The following FXYD2 variants were observed in gnomAD, a reference collection of about 807,000 sequenced individuals.
FXYD2 encodes sodium/potassium-transporting ATPase subunit gamma.
In FXYD2, 8 loss-of-function variants were observed where a neutral mutation model predicts 11.8. That is an observed-to-expected ratio of 0.68 (90% confidence interval 0.40 to 1.22). The LOEUF is 1.22. Ranked by LOEUF, FXYD2 falls within the 50% of genes most tolerant of loss-of-function variation. The probability of loss-of-function intolerance (pLI) is 0.01; values close to 1 mark genes in which losing one functional copy is unlikely to be tolerated. For synonymous variants in FXYD2, 42 were observed against 33.3 expected (o/e 1.26, Z -0.90); for missense variants, 92 against 91.8 (o/e 1.00, Z -0.01).
chr11:117,821,147 C>T, intron 3 of FXYD2: 2 of 403,174 alleles, frequency 5.0e-6, no homozygotes, highest in Non-Finnish European at 7.9e-6. Flanking sequence ...GCCTCAAACT[C>T]CTGGGCTCAA....
Position 117,822,793 on chromosome 11 carries a change from T to C in FXYD2, c.26-76A>G. ...CCACAGGAACAGCTGGAATTCCCTG[T>C]CCTTCCCTTCCCAGAGGACCCTCGA... On this transcript the variant is annotated intron_variant, in intron 1 of 5. Transcript: ENST00000292079. The surrounding 1 kb of genome is among the most constrained non-coding windows in gnomAD (Gnocchi z 4.7). The C allele has an allele frequency of 6.4e-7, 1 of 1,564,864 alleles. No individual in the cohort carries two copies. Among genetic ancestry groups the C allele is most frequent in the Non-Finnish European group, 8.7e-7 (1 of 1,155,798 alleles).
At chr11:117,826,822 ATCTGTC>A (rs1555040338), upstream of FXYD2, among the ~76,000 whole-genome samples, 1 of 138,626 alleles carries the variant, frequency 7.2e-6, no homozygotes, top group African/African-American at 2.7e-5. Context: ...CTATCTATCT[ATCTGTC>A]TATCTATCTA....
chr11:117,823,661 C>T (rs928292926), intron 1 of FXYD2, among the ~76,000 whole-genome samples: 3 of 152,214 alleles, frequency 2.0e-5, no homozygotes, highest in Non-Finnish European at 4.4e-5. Context: ...CTGGCCAGGA[C>T]GCTTCTGCCA....
upstream of FXYD2, among the ~76,000 whole-genome samples, chr11:117,824,898 G>A (rs1327119927): frequency 6.6e-6 from 1 of 152,234 alleles, no homozygotes; most frequent in Non-Finnish European, 1.5e-5. This position sits in a 1 kb window ranked among gnomAD's most constrained non-coding sequence, Gnocchi z 4.0. Flanking sequence ...GGGGCAGGGA[G>A]GAGCTGGCTG....
intron 4 of FXYD2, 58 bp from the exon 5 acceptor site, chr11:117,820,754 A>C: frequency 1.9e-6 from 3 of 1,612,952 alleles, no homozygotes; most frequent in Non-Finnish European, 2.5e-6. Flanking sequence ...GGGTCTAGGG[A>C]TCTCTGAGGC....
At chr11:117,820,836 C>T (rs370529634) in intron 4 of FXYD2, 23 bp downstream of exon 4, 49 of 1,612,688 alleles carry the variant, frequency 3.0e-5, no homozygotes, top group East Asian at 4.5e-5. Flanking sequence ...ACCCCCTCAT[C>T]GGTCACCCCA....
upstream of FXYD2, among the ~76,000 whole-genome samples, chr11:117,827,440 G>T (rs900799049): frequency 2.6e-5 from 4 of 152,140 alleles, no homozygotes; most frequent in Non-Finnish European, 5.9e-5. Flanking sequence ...GTAGAGACGG[G>T]GTTTCACCAT....
chr11:117,821,232 A>T lies in FXYD2; in HGVS notation c.140-337T>A, dbSNP rs1041313975. On this transcript the variant is annotated intron_variant, in intron 3 of 5. Transcript: ENST00000292079. ...TCACCATGCCCAGCTAATTAAAAAA[A>T]TTTTTTTTTGTATAGATCGGGTCTC... 3.1e-4 allele frequency: 178 copies of T among 567,180 alleles called. 1 individual carries two copies. The highest frequency in any genetic ancestry group is 4.4e-4 in the Admixed American group (8 of 18,294). The allele number at this position is 567,180 out of a possible 1,614,324, so 35.1% of individuals were successfully genotyped here.
chr11:117,825,832 G>T (rs2056024900), upstream of FXYD2, among the ~76,000 whole-genome samples: 1 of 152,194 alleles, frequency 6.6e-6, no homozygotes, highest in Admixed American at 6.5e-5. Context: ...CCACAAAACA[G>T]CCAAGGTCAG....
In FXYD2 at chr11:117,822,181, C is replaced by A; in HGVS notation, c.139+225G>T. On this transcript the variant is annotated intron_variant, in intron 3 of 5. Transcript: ENST00000292079. This position sits in a 1 kb window ranked among gnomAD's most constrained non-coding sequence, Gnocchi z 4.7. ...TGGGTTTGCTCTCACTTCTGCGGCT[C>A]CTCCCGGGCCCACTGGAGGGTGCAC... 7.0e-7 allele frequency: 1 copy of A among 1,436,092 alleles called. No homozygotes were observed. The highest frequency in any genetic ancestry group is 9.1e-7 in the Non-Finnish European group (1 of 1,094,890). 89.0% of individuals were successfully genotyped at this position (1,436,092 alleles called of 1,614,324 possible). A position where few individuals can be genotyped will look rare whatever the true frequency, so the allele number is the denominator to read the frequency against.
rs2055991313 is a variant in FXYD2 at position 117,824,472 on chromosome 11, A to G, written c.25+182T>C. On this transcript the variant is annotated intron_variant, in intron 1 of 5. Transcript: ENST00000292079. The surrounding 1 kb of genome is among the most constrained non-coding windows in gnomAD (Gnocchi z 4.0). ...AGCTATCTTTCTTTGGGGTTAAAGC[A>G]GGGTCCTCCTTTAAGTTGCAAATTT... is the stretch of plus-strand genomic sequence containing the variant. 2 of 667,776 alleles carry G rather than the reference A, an allele frequency of 3.0e-6. No homozygotes were observed. Among genetic ancestry groups the G allele is most frequent in the South Asian group, 3.2e-5 (2 of 61,920 alleles). The allele number at this position is 667,776 out of a possible 1,614,324, so 41.4% of individuals were successfully genotyped here.
rs762119604 is a variant in FXYD2, at chr11:117,822,683, G to A, written c.60C>T (p.Tyr20=). 6.2e-7 allele frequency: 1 copy of A among 1,610,658 alleles called. No homozygotes were observed. The highest frequency in any genetic ancestry group is 1.1e-5 in the South Asian group (1 of 89,832). ...GSPKGDVDPF[Y]YDYETVRNGG... ...TGCGCAGGGGCCCAGGCTTACCATA[G>A]TAGAACGGGTCCACGTCCCCCTTGG... Residue 20 remains tyrosine, a synonymous_variant, in exon 2 of 6, where the codon TAC becomes TAT. Coordinates refer to ENST00000292079, the MANE Select transcript of FXYD2 (RefSeq NM_001680.5). The surrounding 1 kb of genome is among the most constrained non-coding windows in gnomAD (Gnocchi z 4.7).
chr11:117,826,778 G>GTCTATCTATCTA (rs150585221), upstream of FXYD2, among the ~76,000 whole-genome samples: 205 of 125,868 alleles, frequency 1.6e-3, no homozygotes, highest in Middle Eastern at 4.4e-3. Context: ...CTGTCTGTCT[G>GTCTATCTATCTA]TCTATCTATC....
At position 117,822,813 on chromosome 11, in the gene FXYD2, C is replaced by T. The variant is rs891436883; in HGVS notation, c.26-96G>A. 1 of 1,510,064 alleles carries T rather than the reference C, an allele frequency of 6.6e-7. No homozygotes were observed. The highest frequency in any genetic ancestry group is 1.4e-5 in the African/African-American group (1 of 73,244). 93.5% of individuals were successfully genotyped at this position (1,510,064 alleles called of 1,614,324 possible). On this transcript the variant is annotated intron_variant, in intron 1 of 5. Coordinates refer to ENST00000292079, the MANE Select transcript of FXYD2 (RefSeq NM_001680.5). This position sits in a 1 kb window ranked among gnomAD's most constrained non-coding sequence, Gnocchi z 4.7. Reference sequence around the variant, plus strand: ...CCCTGTCCTTCCCTTCCCAGAGGACCCTCGAGGGTCCAAGCAGGCGAGGGG... The same window carrying T: ...CCCTGTCCTTCCCTTCCCAGAGGACTCTCGAGGGTCCAAGCAGGCGAGGGG...
chr11:117,824,869 G>A (rs1201495490), upstream of FXYD2: 2 of 719,272 alleles, frequency 2.8e-6, no homozygotes, highest in Non-Finnish European at 4.8e-6. This position sits in a 1 kb window ranked among gnomAD's most constrained non-coding sequence, Gnocchi z 4.0. Context: ...TGCAGGGTGA[G>A]GACGTGCGTG....
rs1489104882 is a variant in FXYD2, at chr11:117,822,181, C to T, written c.139+225G>A. ...TGGGTTTGCTCTCACTTCTGCGGCT[C>T]CTCCCGGGCCCACTGGAGGGTGCAC... On this transcript the variant is annotated intron_variant, in intron 3 of 5. Coordinates refer to ENST00000292079, the MANE Select transcript of FXYD2 (RefSeq NM_001680.5). The surrounding 1 kb of genome is among the most constrained non-coding windows in gnomAD (Gnocchi z 4.7). 2 of 1,435,974 alleles carry T rather than the reference C, an allele frequency of 1.4e-6. No homozygotes were observed. Among genetic ancestry groups the T allele is most frequent in the Admixed American group, 2.5e-5 (1 of 39,468 alleles). 89.0% of individuals were successfully genotyped at this position (1,435,974 alleles called of 1,614,324 possible).
chr11:117,823,849 C>T (rs1196852723), intron 1 of FXYD2, among the ~76,000 whole-genome samples: 3 of 152,230 alleles, frequency 2.0e-5, no homozygotes, highest in Non-Finnish European at 4.4e-5. Flanking sequence ...CGGCCAGTCC[C>T]TGGGCCAGGA....
Position 117,821,956 on chromosome 11 carries a change from CTCTT to C in FXYD2, c.139+446_139+449del, listed in dbSNP as rs201234160. 701 of 1,061,394 alleles carry C rather than the reference CTCTT, an allele frequency of 6.6e-4. 4 individuals are homozygous for C. In the African/African-American group the frequency reaches 0.011, roughly 17 times the overall value. The allele number at this position is 1,061,394 out of a possible 1,614,324, so 65.7% of individuals were successfully genotyped here. A position where few individuals can be genotyped will look rare whatever the true frequency, so the allele number is the denominator to read the frequency against. ...CCTCGGGGCTTGAGGATACATAACT[CTCTT>C]TGTCTCCCCCAGAACACTCCGAGTC... On this transcript the variant is annotated intron_variant, in intron 3 of 5. Coordinates refer to ENST00000292079, the MANE Select transcript of FXYD2 (RefSeq NM_001680.5).
chr11:117,827,735 T>A (rs936163370), upstream of FXYD2, among the ~76,000 whole-genome samples: 1 of 152,206 alleles, frequency 6.6e-6, no homozygotes, highest in Non-Finnish European at 1.5e-5. Flanking sequence ...CCTGCATCTC[T>A]AAGGGACGGA....
Sources: gnomAD v4.1 joint callset for allele counts (sites outside exome capture counted in the v4.1 genomes callset) on GRCh38, gnomAD v4.1.1 for gene constraint, Gnocchi (gnomAD v3.1) non-coding constraint, MANE v1.5 for transcripts, NCBI Gene and HGNC (gene_info 2026-07-23, HGNC 2026-07-21) for gene names.